Variants in PCDHA13 observed in about 807,000 individuals in gnomAD.
PCDHA13 encodes protocadherin alpha-13.
Under a neutral mutation model 64.8 loss-of-function variants are expected in PCDHA13, and 54 were observed. The observed-to-expected ratio is 0.83, with a 90% confidence interval of 0.67 to 1.04. PCDHA13 has a LOEUF of 1.04. Ranked by LOEUF, PCDHA13 falls within the 50% of genes least tolerant of loss-of-function variation. The pLI, the probability that PCDHA13 is intolerant of heterozygous loss-of-function variation, is 0.00. For missense variants in PCDHA13, 1,248 were observed against 1,254.3 expected (o/e 0.99, Z 0.08); for synonymous variants, 587 against 564.4 (o/e 1.04, Z -0.57).
At chr5:140,906,057 C>A (rs558964545) in intron 1 of PCDHA13, among the ~76,000 whole-genome samples, 7 of 152,326 alleles carry the variant, frequency 4.6e-5, no homozygotes, top group Admixed American at 2.0e-4. Context: ...GCTGCACTGG[C>A]AGCTGATTAG....
intron 1 of PCDHA13, chr5:140,967,766 T>C: frequency 6.2e-7 from 1 of 1,614,218 alleles, no homozygotes; most frequent in Non-Finnish European, 8.5e-7. Flanking sequence ...CTACCAGATC[T>C]ATGTGCAGGC....
intron 3 of PCDHA13, among the ~76,000 whole-genome samples, chr5:141,000,416 TA>T (rs1479552208): frequency 1.6e-3 from 150 of 93,344 alleles, no homozygotes; most frequent in Non-Finnish European, 2.1e-3. Flanking sequence ...TATATATATA[TA>T]TATATTTTTT....
intron 1 of PCDHA13, among the ~76,000 whole-genome samples, chr5:140,898,629 C>T (rs2066883647): frequency 1.3e-5 from 2 of 152,194 alleles, no homozygotes; most frequent in Admixed American, 1.3e-4. Context: ...AGCATAATGC[C>T]TCCAGCTTTG....
chr5:140,929,694 A>G, intron 1 of PCDHA13: 1 of 270,028 alleles, frequency 3.7e-6, no homozygotes, highest in Non-Finnish European at 7.3e-6. Flanking sequence ...AGTCTGCTTT[A>G]TATGAATATA....
At position 140,927,644 on chromosome 5, in the gene PCDHA13, T is replaced by C. The variant is rs370145398; in HGVS notation, c.2394+42982T>C. On this transcript the variant is annotated intron_variant, in intron 1 of 3. Coordinates refer to ENST00000289272, the MANE Select transcript of PCDHA13 (RefSeq NM_018904.3). The stretch of plus-strand genomic sequence containing the variant: ...CCAGAGACTGCACCCAATGGGACTG[T>C]GTTATTCCGAGTTCAAGCCTTGGAT... The C allele has an allele frequency of 4.6e-5, 74 of 1,614,028 alleles. 1 individual carries two copies. Among genetic ancestry groups the C allele is most frequent in the Non-Finnish European group, 5.8e-5 (68 of 1,180,020 alleles).
intron 1 of PCDHA13, among the ~76,000 whole-genome samples, chr5:140,940,019 T>C (rs1554213082): frequency 6.6e-6 from 1 of 152,230 alleles, no homozygotes; most frequent in East Asian, 1.9e-4. Context: ...TTGTGTCATA[T>C]GTTTTAAGGC....
chr5:140,984,359 T>A (rs1372089743), intron 3 of PCDHA13, among the ~76,000 whole-genome samples: 1 of 152,242 alleles, frequency 6.6e-6, no homozygotes, highest in Non-Finnish European at 1.5e-5. Flanking sequence ...ATTTCATACA[T>A]CTGGCCAAGT....
chr5:140,938,485 T>C (rs2092087482), intron 1 of PCDHA13, among the ~76,000 whole-genome samples: 2 of 152,170 alleles, frequency 1.3e-5, no homozygotes, highest in African/African-American at 4.8e-5. Context: ...TTAAAAATCA[T>C]GAATAGGCAT....
chr5:140,936,270 T>G (rs1367001317), intron 1 of PCDHA13, among the ~76,000 whole-genome samples: 2 of 152,226 alleles, frequency 1.3e-5, no homozygotes, highest in Non-Finnish European at 2.9e-5. Context: ...GAAGATATAT[T>G]CCTGTGTTTT....
At chr5:140,926,707 C>A in intron 1 of PCDHA13, 5 of 886,092 alleles carry the variant, frequency 5.6e-6, no homozygotes, top group Non-Finnish European at 7.9e-6. Context: ...TCCCAGCTGG[C>A]CAGCCCCGGC....
At chr5:140,902,986 T>C (rs569244845) in intron 1 of PCDHA13, among the ~76,000 whole-genome samples, 1 of 152,346 alleles carries the variant, frequency 6.6e-6, no homozygotes, top group East Asian at 1.9e-4. Flanking sequence ...GTTGGTTCCA[T>C]ATTTTTGCAA....
intron 1 of PCDHA13, chr5:140,966,824 A>G (rs1463208532): frequency 1.3e-6 from 2 of 1,559,876 alleles, no homozygotes; most frequent in Admixed American, 1.9e-5. Flanking sequence ...CCGGCGGCCC[A>G]TGCCCTGGCT....
intron 3 of PCDHA13, among the ~76,000 whole-genome samples, chr5:141,008,970 G>A (rs147776833): frequency 6.6e-6 from 1 of 152,236 alleles, no homozygotes; most frequent in East Asian, 1.9e-4. Flanking sequence ...TACATTTATA[G>A]CCAAAGTTTA....
chr5:140,944,689 A>T (rs1360975363), intron 1 of PCDHA13, among the ~76,000 whole-genome samples: 1 of 152,226 alleles, frequency 6.6e-6, no homozygotes, highest in Non-Finnish European at 1.5e-5. Context: ...TCCTATTAAT[A>T]ACAGTAATTA....
chr5:140,966,960 T>C, intron 1 of PCDHA13: 1 of 1,603,106 alleles, frequency 6.2e-7, no homozygotes, highest in Non-Finnish European at 8.5e-7. Context: ...GCTCGCGCGC[T>C]GGGGCTTGAG....
intron 1 of PCDHA13, among the ~76,000 whole-genome samples, chr5:140,969,689 G>C (rs2096353737): frequency 6.6e-6 from 1 of 152,136 alleles, no homozygotes; most frequent in Admixed American, 6.5e-5. Context: ...AGGAGAAATG[G>C]CCTCTGCTGT....
chr5:140,999,125 G>A (rs1554256627), intron 3 of PCDHA13, among the ~76,000 whole-genome samples: 1 of 152,152 alleles, frequency 6.6e-6, no homozygotes, highest in Non-Finnish European at 1.5e-5. Context: ...TTCTAAGCTG[G>A]AAAATGTCAC....
chr5:140,941,259 T>TTC (rs1340815463), intron 1 of PCDHA13, among the ~76,000 whole-genome samples: 28 of 121,830 alleles, frequency 2.3e-4, no homozygotes, highest in East Asian at 1.1e-3. Flanking sequence ...TTCTTTCTCT[T>TTC]TCTTTCTTTC....
At chr5:140,964,062 C>T (rs1257577051) in intron 1 of PCDHA13, among the ~76,000 whole-genome samples, 1 of 152,124 alleles carries the variant, frequency 6.6e-6, no homozygotes, top group Middle Eastern at 3.2e-3. Flanking sequence ...GTGGTCAAGG[C>T]ATTAGTGTTA....
Sources: allele counts gnomAD v4.1 joint callset (sites outside exome capture counted in the v4.1 genomes callset), GRCh38; gene constraint gnomAD v4.1.1; transcripts MANE v1.5; gene names NCBI Gene and HGNC (gene_info 2026-07-23, HGNC 2026-07-21).